The following MYH10 variants were observed in gnomAD, a reference collection of about 807,000 sequenced individuals.
MYH10 encodes the protein myosin heavy chain 10, also known as myosin-10.
MYH10 carries 55 observed loss-of-function variants against 257.8 expected under a neutral mutation model. The observed-to-expected ratio is 0.21, with a 90% CI of 0.17 to 0.27. The LOEUF (loss-of-function observed/expected upper bound fraction) is 0.27, where lower values mean the gene tolerates loss of function less well. MYH10 is among the 10% of genes least tolerant of loss of function. The probability of loss-of-function intolerance (pLI) is 1.00; values close to 1 mark genes in which losing one functional copy is unlikely to be tolerated. For missense variants in MYH10, 1,631 were observed against 2,500.6 expected (o/e 0.65, Z 7.42); for synonymous variants, 854 against 921.7 (o/e 0.93, Z 1.33).
intron 16 of MYH10, among the ~76,000 whole-genome samples, chr17:8,533,371 T>C (rs1329604180): frequency 6.6e-6 from 1 of 152,074 alleles, no homozygotes; most frequent in Non-Finnish European, 1.5e-5. Context: ...GCCCCAGCCC[T>C]CTCTAAAGCC....
chr17:8,626,771 G>A (rs572918951), intron 1 of MYH10, among the ~76,000 whole-genome samples: 14 of 152,042 alleles, frequency 9.2e-5, no homozygotes, highest in African/African-American at 3.4e-4. Flanking sequence ...AATATGACAA[G>A]TTTCTCTTAC....
chr17:8,485,104 C>T (rs1914535425), intron 36 of MYH10, among the ~76,000 whole-genome samples: 1 of 152,074 alleles, frequency 6.6e-6, no homozygotes, highest in Non-Finnish European at 1.5e-5. Context: ...GTAATATGGA[C>T]AGTAAAAGAA....
intron 24 of MYH10, chr17:8,511,096 T>G (rs2081279589): frequency 1.4e-5 from 2 of 142,290 alleles, no homozygotes; most frequent in South Asian, 2.2e-4. Context: ...ACACTTAATA[T>G]ATACGCATAA....
intron 21 of MYH10, among the ~76,000 whole-genome samples, chr17:8,518,148 T>TGTGTGTGTGTGTG (rs1597719659): frequency 1.7e-5 from 2 of 119,944 alleles, no homozygotes; most frequent in Non-Finnish European, 3.6e-5. Flanking sequence ...TGTGTGTGTG[T>TGTGTGTGTGTGTG]TTGAGATAGG....
chr17:8,514,037 A>T (rs1184896423), intron 21 of MYH10, 143 bp from the exon 22 acceptor site: 4 of 773,108 alleles, frequency 5.2e-6, no homozygotes, highest in Non-Finnish European at 8.2e-6. Flanking sequence ...GGTGAGACGC[A>T]CAAGGAAGCC....
chr17:8,490,052 G>A lies in MYH10; in HGVS notation c.4884+288C>T, dbSNP rs923602725. On this transcript the variant is annotated intron_variant, in intron 35 of 42. Coordinates refer to ENST00000360416, the MANE Select transcript of MYH10 (RefSeq NM_001256012.3). The surrounding 1 kb of genome is among the most constrained non-coding windows in gnomAD (Gnocchi z 4.1). ...TTCCTATACCCATGTTCTAAGACAA[G>A]GAACTTGAACCTAACCACGGATTCC... 2.0e-5 allele frequency among the ~76,000 whole-genome samples: 3 copies of A among 152,178 alleles called. No individual in the cohort carries two copies. The highest frequency in any genetic ancestry group is 7.2e-5 in the African/African-American group (3 of 41,434).
intron 38 of MYH10, 177 bp from the exon 39 acceptor site, chr17:8,480,702 A>C: frequency 2.6e-6 from 2 of 773,898 alleles, no homozygotes; most frequent in Non-Finnish European, 4.2e-6. Context: ...ACACTTCCAA[A>C]CACCCTCCCC....
intron 4 of MYH10, among the ~76,000 whole-genome samples, chr17:8,578,116 C>G (rs139676671): frequency 1.3e-5 from 2 of 152,170 alleles, no homozygotes; most frequent in African/African-American, 2.4e-5. Flanking sequence ...TCAGATCCCC[C>G]TCTCAGAGCA....
chr17:8,553,419 A>G (rs1481316461), intron 8 of MYH10, among the ~76,000 whole-genome samples: 1 of 152,138 alleles, frequency 6.6e-6, no homozygotes, highest in African/African-American at 2.4e-5. Context: ...TATTACATCT[A>G]TACTCAAATG....
At chr17:8,531,814 T>C (rs899614909) in intron 16 of MYH10, among the ~76,000 whole-genome samples, 5 of 152,212 alleles carry the variant, frequency 3.3e-5, no homozygotes, top group African/African-American at 1.2e-4. Context: ...CTTTTGCATT[T>C]AAGTGGCTCT....
At chr17:8,548,976 C>T (rs914237097) in intron 9 of MYH10, among the ~76,000 whole-genome samples, 189 bp from the exon 10 acceptor site, 2 of 152,002 alleles carry the variant, frequency 1.3e-5, no homozygotes, top group East Asian at 1.9e-4. Flanking sequence ...ATTATCTGTA[C>T]CAACAAAGGA....
rs1204012851 is a variant in MYH10 at position 8,475,438 on chromosome 17, C to T, written c.*366G>A. On this transcript the variant is annotated 3_prime_UTR_variant, in exon 43 of 43. Coordinates refer to ENST00000360416, the MANE Select transcript of MYH10 (RefSeq NM_001256012.3). ...TCTGTATGACAGAGAGCATGCAGAG[C>T]GACTGAGTGACGACCACGGCGCTGC... 2.0e-5 allele frequency: 4 copies of T among 200,318 alleles called. No homozygotes were observed. Among genetic ancestry groups the T allele is most frequent in the Admixed American group, 1.1e-4 (2 of 18,740 alleles). The allele number at this position is 200,318 out of a possible 1,614,324, so 12.4% of individuals were successfully genotyped here. A position where few individuals can be genotyped will look rare whatever the true frequency, so the allele number is the denominator to read the frequency against.
chr17:8,568,745 G>A (rs1325717853), intron 7 of MYH10, among the ~76,000 whole-genome samples: 1 of 152,060 alleles, frequency 6.6e-6, no homozygotes, highest in Admixed American at 6.6e-5. Context: ...TGTTGAATAT[G>A]GGTTTAGAGA....
chr17:8,509,493 C>T (rs917660635), intron 25 of MYH10, among the ~76,000 whole-genome samples: 1 of 152,234 alleles, frequency 6.6e-6, no homozygotes, highest in Admixed American at 6.5e-5. Flanking sequence ...GCCTGGTATT[C>T]AGAGTCCCAC....
intron 14 of MYH10, among the ~76,000 whole-genome samples, chr17:8,537,316 G>A (rs1197917006): frequency 6.6e-6 from 1 of 152,222 alleles, no homozygotes; most frequent in African/African-American, 2.4e-5. Context: ...CTGGCAAAGA[G>A]TTGGCAATAC....
At chr17:8,540,204 T>C (rs913343795) in intron 14 of MYH10, among the ~76,000 whole-genome samples, 1 of 152,204 alleles carries the variant, frequency 6.6e-6, no homozygotes, top group African/African-American at 2.4e-5. Context: ...TTGGCCAGAT[T>C]GGTCTCGACC....
In MYH10 at chr17:8,477,057, G is replaced by C. The variant is rs1309495055; in HGVS notation, c.5707-9C>G. On this transcript the variant is annotated splice_polypyrimidine_tract_variant and intron_variant, in intron 41 of 42. Transcript: ENST00000360416. This position sits in a 1 kb window ranked among gnomAD's most constrained non-coding sequence, Gnocchi z 4.2. ...GCGTTGGCCTTCTCCATCTTGGGGA[G>C]GGTACATGAACCAAAACAAACCAAA... is the stretch of plus-strand genomic sequence containing the variant. The C allele has an allele frequency of 1.2e-6, 2 of 1,613,826 alleles. No homozygotes were observed. The highest frequency in any genetic ancestry group is 4.5e-5 in the East Asian group (2 of 44,876).
chr17:8,526,204 T>C (rs543715611), intron 17 of MYH10, among the ~76,000 whole-genome samples: 164 of 152,332 alleles, frequency 1.1e-3, no homozygotes, highest in African/African-American at 3.8e-3. Context: ...ACACTAATAA[T>C]GTATGATTTC....
intron 41 of MYH10, 21 bp downstream of exon 41, chr17:8,478,317 G>A (rs1266846709): frequency 2.5e-6 from 4 of 1,602,508 alleles, no homozygotes; most frequent in Admixed American, 1.7e-5. Context: ...GCGCTTCCCA[G>A]GGAGGCACTT....
Sources: gnomAD v4.1 joint callset for allele counts (sites outside exome capture counted in the v4.1 genomes callset) on GRCh38, gnomAD v4.1.1 for gene constraint, Gnocchi (gnomAD v3.1) non-coding constraint, MANE v1.5 for transcripts, NCBI Gene and HGNC (gene_info 2026-07-23, HGNC 2026-07-21) for gene names.